ADAT1: variants seen among roughly 807,000 people sequenced by gnomAD.
ADAT1 encodes the protein tRNA-specific adenosine deaminase 1.
Under a neutral mutation model 58.6 loss-of-function variants are expected in ADAT1, and 58 were observed. That is an observed-to-expected ratio of 0.99 (90% CI 0.80 to 1.23). The LOEUF is 1.23. ADAT1 is among the 50% of genes most tolerant of loss of function. The pLI is 0.00. For synonymous variants in ADAT1, 254 were observed against 220.8 expected (o/e 1.15, Z -1.33); for missense variants, 741 against 608.6 (o/e 1.22, Z -2.29).
intron 8 of ADAT1, among the ~76,000 whole-genome samples, chr16:75,607,916 T>C (rs2081415405): frequency 6.6e-6 from 1 of 152,166 alleles, no homozygotes; most frequent in Non-Finnish European, 1.5e-5. Context: ...TGAATAGTAA[T>C]GAAGTACTGA....
rs780700881 is a variant in ADAT1, at chr16:75,600,209, T to A, written c.*7A>T. 10 of 1,613,902 alleles carry A rather than the reference T, an allele frequency of 6.2e-6. No individual in the cohort carries two copies. The Admixed American group carries it at 1.7e-4, about 27-fold the overall frequency. ...AGGGTCCTGCTACCAGAGCAAACAT[T>A]TCCTTCTCACTTGAACTGGTGATAA... On this transcript the variant is annotated 3_prime_UTR_variant, in exon 10 of 10. Coordinates refer to ENST00000564657, the MANE Select transcript of ADAT1 (RefSeq NM_001324445.2).
chr16:75,600,049 A>G lies in ADAT1; in HGVS notation c.*167T>C. The G allele has an allele frequency of 2.7e-6, 4 of 1,474,308 alleles. No homozygotes were observed. Among genetic ancestry groups the G allele is most frequent in the Non-Finnish European group, 3.6e-6 (4 of 1,111,290 alleles). 91.3% of individuals were successfully genotyped at this position (1,474,308 alleles called of 1,614,324 possible). On this transcript the variant is annotated 3_prime_UTR_variant, in exon 10 of 10. Coordinates refer to ENST00000564657, the MANE Select transcript of ADAT1 (RefSeq NM_001324445.2). ...TTTTAGCAGAGAGCTACTTCAATCAAGTATAGCTTGCTCTAAGTTCCAGAT... is the reference window on the plus strand; with the variant it reads ...TTTTAGCAGAGAGCTACTTCAATCAGGTATAGCTTGCTCTAAGTTCCAGAT...
intron 8 of ADAT1, among the ~76,000 whole-genome samples, chr16:75,607,523 T>C (rs1341862935): frequency 3.1e-4 from 47 of 150,072 alleles, no homozygotes; most frequent in Non-Finnish European, 2.5e-4. Context: ...AAAAAGACTG[T>C]AATGAGATAC....
At chr16:75,616,152 G>A (rs773888243) in intron 5 of ADAT1, among the ~76,000 whole-genome samples, 5 of 152,002 alleles carry the variant, frequency 3.3e-5, no homozygotes, top group Non-Finnish European at 7.4e-5. Context: ...GGGATTACAG[G>A]CATGCACCAC....
At position 75,608,998 on chromosome 16, in the gene ADAT1, A is replaced by G. The variant is rs1430605793; in HGVS notation, c.1044-10T>C. On this transcript the variant is annotated splice_polypyrimidine_tract_variant and intron_variant, in intron 6 of 9. Transcript: ENST00000564657. ...AGACACATTCTGACACCTAAATACA[A>G]GGGAAAATGCATTCAGTTTAGGTGC... is the stretch of plus-strand genomic sequence containing the variant. 6.2e-7 allele frequency: 1 copy of G among 1,613,774 alleles called. No homozygotes were observed. Among genetic ancestry groups the G allele is most frequent in the Non-Finnish European group, 8.5e-7 (1 of 1,179,954 alleles).
chr16:75,600,454 G>T, intron 9 of ADAT1, 106 bp from the exon 10 acceptor site: 2 of 1,500,166 alleles, frequency 1.3e-6, no homozygotes, highest in Non-Finnish European at 1.8e-6. Flanking sequence ...ATGAGACTTA[G>T]GTAGAGAAGG....
At position 75,599,572 on chromosome 16, in the gene ADAT1, G is replaced by C; in HGVS notation, c.*644C>G. The C allele has an allele frequency of 1.0e-6, 1 of 985,924 alleles. No individual in the cohort carries two copies. Among genetic ancestry groups the C allele is most frequent in the Non-Finnish European group, 1.2e-6 (1 of 830,020 alleles). 61.1% of individuals were successfully genotyped at this position (985,924 alleles called of 1,614,324 possible). On this transcript the variant is annotated 3_prime_UTR_variant, in exon 10 of 10. Coordinates refer to ENST00000564657, the MANE Select transcript of ADAT1 (RefSeq NM_001324445.2). The stretch of plus-strand genomic sequence containing the variant: ...TTTGCTGGCTTTCTCTAGGTAGTAG[G>C]AAAAGATGGCCACCGGCAGTCCCAT...
At chr16:75,605,537 C>A (rs1016530333) in intron 8 of ADAT1, among the ~76,000 whole-genome samples, 7 of 152,002 alleles carry the variant, frequency 4.6e-5, no homozygotes, top group Admixed American at 4.6e-4. Flanking sequence ...TTTTGCAGAG[C>A]CAAAAGTTAT....
chr16:75,611,887 G>A (rs1007621327), intron 6 of ADAT1, among the ~76,000 whole-genome samples: 17 of 151,726 alleles, frequency 1.1e-4, no homozygotes, highest in Admixed American at 6.6e-4. Context: ...GTGAAACCCC[G>A]TCTCTACTAA....
At chr16:75,602,979 C>T (rs372495935) in intron 9 of ADAT1, 106 bp downstream of exon 9, 28 of 965,520 alleles carry the variant, frequency 2.9e-5, no homozygotes, top group East Asian at 9.6e-5. Flanking sequence ...ATAAGTGCCA[C>T]TGGCTTGCTG....
At chr16:75,605,493 T>C (rs78028549) in intron 8 of ADAT1, among the ~76,000 whole-genome samples, 7,447 of 152,260 alleles carry the variant, frequency 0.049, 251 homozygotes, top group Non-Finnish European at 0.075. Context: ...TAATTGTTTA[T>C]GTCAAGGCTT....
intron 5 of ADAT1, among the ~76,000 whole-genome samples, chr16:75,614,147 G>A (rs969625695): frequency 7.9e-5 from 12 of 151,976 alleles, no homozygotes; most frequent in Admixed American, 4.6e-4. Context: ...CCAAGAATGC[G>A]CCACTGCACT....
intron 4 of ADAT1, 36 bp downstream of exon 4, chr16:75,618,550 G>A (rs774000227): frequency 2.8e-6 from 4 of 1,426,470 alleles, no homozygotes; most frequent in South Asian, 1.3e-5. Flanking sequence ...TCCCACCCCA[G>A]TCCTGCTGAA....
intron 9 of ADAT1, among the ~76,000 whole-genome samples, 176 bp from the exon 10 acceptor site, chr16:75,600,524 A>G (rs2081198515): frequency 6.6e-6 from 1 of 152,218 alleles, no homozygotes; most frequent in Non-Finnish European, 1.5e-5. Flanking sequence ...GTCATACTCA[A>G]CTGAAACAGA....
chr16:75,618,857 G>A (rs552603838), intron 3 of ADAT1, among the ~76,000 whole-genome samples: 3 of 152,152 alleles, frequency 2.0e-5, no homozygotes, highest in Admixed American at 1.3e-4. Flanking sequence ...ATTTTTTGTT[G>A]TGGGGGATCT....
intron 8 of ADAT1, among the ~76,000 whole-genome samples, chr16:75,603,621 G>A (rs1271798076): frequency 6.6e-6 from 1 of 152,166 alleles, no homozygotes; most frequent in African/African-American, 2.4e-5. Flanking sequence ...CTCCTGCCAT[G>A]GGCATCACAG....
At chr16:75,607,501 C>CAAAA (rs200929671) in intron 8 of ADAT1, among the ~76,000 whole-genome samples, 1 of 102,206 alleles carries the variant, frequency 9.8e-6, no homozygotes, top group Non-Finnish European at 2.1e-5. Context: ...GACTCTATCT[C>CAAAA]AAAAAAAAAA....
Position 75,598,647 on chromosome 16 carries a change from T to A in ADAT1, c.*1569A>T, listed in dbSNP as rs541880352. On this transcript the variant is annotated 3_prime_UTR_variant, in exon 10 of 10. Transcript: ENST00000564657. ...GATTCTCCTGCCTCAGCCTCCCAAG[T>A]AGCTGGGACTACAGGCGTGCACCAC... is the stretch of plus-strand genomic sequence containing the variant. Among the ~76,000 whole-genome samples, 3 of 151,568 alleles carry A rather than the reference T, an allele frequency of 2.0e-5. No individual in the cohort carries two copies. The highest frequency in any genetic ancestry group is 7.3e-5 in the African/African-American group (3 of 41,172).
chr16:75,605,478 C>A (rs80282910), intron 8 of ADAT1, among the ~76,000 whole-genome samples: 1 of 151,846 alleles, frequency 6.6e-6, no homozygotes, highest in Non-Finnish European at 1.5e-5. Flanking sequence ...ATACATAATA[C>A]GTGTTAATTG....
Sources: gnomAD v4.1 joint callset for allele counts (sites outside exome capture counted in the v4.1 genomes callset) on GRCh38, gnomAD v4.1.1 for gene constraint, MANE v1.5 for transcripts, NCBI Gene and HGNC (gene_info 2026-07-23, HGNC 2026-07-21) for gene names.